Variants in PLEKHH1 observed in about 807,000 individuals in gnomAD.
The protein encoded by PLEKHH1 is pleckstrin homology, MyTH4 and FERM domain containing H1, also known as pleckstrin homology domain-containing family H member 1.
A neutral mutation model predicts 160.0 loss-of-function variants in PLEKHH1; 104 were observed. That is an observed-to-expected ratio of 0.65 (90% CI 0.55 to 0.76). The LOEUF (loss-of-function observed/expected upper bound fraction) is 0.76, where lower values mean the gene tolerates loss of function less well. PLEKHH1 is among the 30% of genes least tolerant of loss of function. The pLI is 0.00. For synonymous variants in PLEKHH1, 619 were observed against 678.4 expected, an observed-to-expected ratio of 0.91 and a Z score of 1.36; for missense variants, 1,427 against 1,724.1, an observed-to-expected ratio of 0.83 and a Z score of 3.05.
chr14:67,571,551 G>T (rs1009397494), intron 9 of PLEKHH1: 14 of 527,730 alleles, frequency 2.7e-5, no homozygotes, highest in African/African-American at 2.6e-4. Flanking sequence ...GATGGTGTGT[G>T]GGAAGGGAGG....
In PLEKHH1 at chr14:67,572,121, C is replaced by T. The variant is rs746940949; in HGVS notation, c.1586-14C>T. The T allele has an allele frequency of 1.9e-6, 3 of 1,601,822 alleles. No homozygotes were observed. Among genetic ancestry groups the T allele is most frequent in the Non-Finnish European group, 1.7e-6 (2 of 1,174,578 alleles). On this transcript the variant is annotated splice_polypyrimidine_tract_variant and intron_variant, in intron 10 of 28. Transcript: ENST00000329153. ...GTGTGGGACCCGGGCCTTGACTCCTCCTCCCTCGGCAAGGCGTCTCCATGT... is the reference window on the plus strand; with the variant it reads ...GTGTGGGACCCGGGCCTTGACTCCTTCTCCCTCGGCAAGGCGTCTCCATGT...
intron 26 of PLEKHH1, 110 bp from the exon 27 acceptor site, chr14:67,585,458 G>A: frequency 1.4e-6 from 1 of 706,098 alleles, no homozygotes. Flanking sequence ...TGAGGTGGCT[G>A]GAAATCACTG....
At chr14:67,570,330 A>C in intron 9 of PLEKHH1, 1 of 1,068,124 alleles carries the variant, frequency 9.4e-7, no homozygotes, top group Non-Finnish European at 1.1e-6. Flanking sequence ...TCCTTCTAGA[A>C]TTACTGAGGT....
chr14:67,579,378 C>A (rs1256363512), intron 21 of PLEKHH1, 67 bp downstream of exon 21: 2 of 1,283,436 alleles, frequency 1.6e-6, no homozygotes, highest in East Asian at 2.7e-5. Context: ...TACCCCTGGG[C>A]CTTAGGCTCA....
chr14:67,548,251 T>G (rs1197655382), intron 2 of PLEKHH1, among the ~76,000 whole-genome samples: 4 of 152,238 alleles, frequency 2.6e-5, no homozygotes, highest in African/African-American at 9.6e-5. Flanking sequence ...TCAGTTATCC[T>G]ATCAGAAAAG....
At chr14:67,539,710 G>A (rs1034658364) in intron 1 of PLEKHH1, among the ~76,000 whole-genome samples, 1 of 152,138 alleles carries the variant, frequency 6.6e-6, no homozygotes, top group Non-Finnish European at 1.5e-5. Flanking sequence ...GCACAGAGTG[G>A]CAATGAACAA....
chr14:67,576,573 A>T lies in PLEKHH1; in HGVS notation c.2461+70A>T. 1 of 799,704 alleles carries T rather than the reference A, an allele frequency of 1.3e-6. No homozygotes were observed. Among genetic ancestry groups the T allele is most frequent in the Non-Finnish European group, 2.2e-6 (1 of 457,462 alleles). 49.5% of individuals were successfully genotyped at this position (799,704 alleles called of 1,614,324 possible). A position where few individuals can be genotyped will look rare whatever the true frequency, so the allele number is the denominator to read the frequency against. ...CTTGGTGACTATTGGTCAAGATCCCAAAGAAAGCAGTGTTGTACCCTGAAG... is the reference window on the plus strand; with the variant it reads ...CTTGGTGACTATTGGTCAAGATCCCTAAGAAAGCAGTGTTGTACCCTGAAG... On this transcript the variant is annotated intron_variant, in intron 17 of 28. Coordinates refer to ENST00000329153, the MANE Select transcript of PLEKHH1 (RefSeq NM_020715.3). This position sits in a 1 kb window ranked among gnomAD's most constrained non-coding sequence, Gnocchi z 4.0.
chr14:67,582,384 C>T lies in PLEKHH1; in HGVS notation c.3426+174C>T, dbSNP rs2140536262. ...TCTACAGATCAGAGCTCCTCACTCACCGCAGATATAGGATGCGTGCAGATG... is the reference window on the plus strand; with the variant it reads ...TCTACAGATCAGAGCTCCTCACTCATCGCAGATATAGGATGCGTGCAGATG... On this transcript the variant is annotated intron_variant, in intron 24 of 28. Coordinates refer to ENST00000329153, the MANE Select transcript of PLEKHH1 (RefSeq NM_020715.3). The surrounding 1 kb of genome is among the most constrained non-coding windows in gnomAD (Gnocchi z 5.0). 9.0e-7 allele frequency: 1 copy of T among 1,112,210 alleles called. No homozygotes were observed. The allele number at this position is 1,112,210 out of a possible 1,614,324, so 68.9% of individuals were successfully genotyped here.
At position 67,578,747 on chromosome 14, in the gene PLEKHH1, A is replaced by G. The variant is rs2035746455; in HGVS notation, c.2849+116A>G. 3 of 731,934 alleles carry G rather than the reference A, an allele frequency of 4.1e-6. No individual in the cohort carries two copies. Among genetic ancestry groups the G allele is most frequent in the Non-Finnish European group, 7.3e-6 (3 of 410,972 alleles). The allele number at this position is 731,934 out of a possible 1,614,324, so 45.3% of individuals were successfully genotyped here. ...TCACTCCTGTCCTCTGAAACCGCTCAGTGGTCGTGGAGACTTCACCCATTG... is the reference window on the plus strand; with the variant it reads ...TCACTCCTGTCCTCTGAAACCGCTCGGTGGTCGTGGAGACTTCACCCATTG... On this transcript the variant is annotated intron_variant, in intron 20 of 28. Coordinates refer to ENST00000329153, the MANE Select transcript of PLEKHH1 (RefSeq NM_020715.3). This position sits in a 1 kb window ranked among gnomAD's most constrained non-coding sequence, Gnocchi z 5.0.
At chr14:67,585,757 C>T (rs2036125641) in intron 27 of PLEKHH1, 103 bp downstream of exon 27, 10 of 1,019,078 alleles carry the variant, frequency 9.8e-6, no homozygotes, top group Non-Finnish European at 1.5e-5. Flanking sequence ...ACCATGGCTG[C>T]CCTACCCCCA....
intron 1 of PLEKHH1, chr14:67,533,636 C>T (rs1444279893): frequency 6.6e-6 from 1 of 152,168 alleles, no homozygotes; most frequent in African/African-American, 2.4e-5. Context: ...CCGGGAGTAC[C>T]TGGACTTGGG....
intron 22 of PLEKHH1, among the ~76,000 whole-genome samples, chr14:67,580,498 T>C (rs1170415836): frequency 6.6e-6 from 1 of 152,260 alleles, no homozygotes; most frequent in Non-Finnish European, 1.5e-5. Flanking sequence ...CAAAGGCTTC[T>C]ATGGTCTTTT....
chr14:67,555,768 C>T, intron 2 of PLEKHH1, 57 bp from the exon 3 acceptor site: 1 of 1,597,846 alleles, frequency 6.3e-7, no homozygotes, highest in Non-Finnish European at 8.5e-7. Context: ...GGCCTTGATG[C>T]CGTGTTCACA....
chr14:67,542,058 TGAGA>T (rs1594742672), intron 2 of PLEKHH1, 65 bp downstream of exon 2: 7 of 1,426,032 alleles, frequency 4.9e-6, no homozygotes, highest in Non-Finnish European at 6.6e-6. Context: ...GAGGGCCGTG[TGAGA>T]GAGGGAGAGT....
At chr14:67,538,430 T>C (rs753683) in intron 1 of PLEKHH1, among the ~76,000 whole-genome samples, 46,521 of 152,172 alleles carry the variant, frequency 0.31, 7,312 homozygotes, top group African/African-American at 0.36. Flanking sequence ...AAATAACACA[T>C]GCGTCGCAAT....
rs1214885527 is a variant in PLEKHH1, at chr14:67,588,326, G to A, written c.*1091G>A. 6.6e-6 allele frequency: 1 copy of A among 152,528 alleles called. No individual in the cohort carries two copies. Among genetic ancestry groups the A allele is most frequent in the African/African-American group, 2.4e-5 (1 of 41,416 alleles). 9.4% of individuals were successfully genotyped at this position (152,528 alleles called of 1,614,324 possible). ...ACCAAGCAAATGCACTCTGCTTTTT[G>A]CTGCTGTAAGACCACCAAAAATGAG... On this transcript the variant is annotated 3_prime_UTR_variant, in exon 29 of 29. Coordinates refer to ENST00000329153, the MANE Select transcript of PLEKHH1 (RefSeq NM_020715.3).
At chr14:67,571,659 C>A in intron 9 of PLEKHH1, 93 bp from the exon 10 acceptor site, 1 of 1,364,016 alleles carries the variant, frequency 7.3e-7, no homozygotes, top group Non-Finnish European at 1.0e-6. Flanking sequence ...GTTGGCCACA[C>A]CATGGGCACT....
chr14:67,575,028 T>C (rs2035560326), intron 14 of PLEKHH1, among the ~76,000 whole-genome samples: 1 of 152,194 alleles, frequency 6.6e-6, no homozygotes, highest in African/African-American at 2.4e-5. Flanking sequence ...TCATGATGCA[T>C]GGTTGCCCAA....
intron 26 of PLEKHH1, 116 bp from the exon 27 acceptor site, chr14:67,585,452 G>A (rs1702748187): frequency 1.5e-6 from 1 of 682,258 alleles, no homozygotes. Flanking sequence ...CCAAGATGAG[G>A]TGGCTGGAAA....
Sources: allele counts gnomAD v4.1 joint callset (sites outside exome capture counted in the v4.1 genomes callset), GRCh38; gene constraint gnomAD v4.1.1; non-coding constraint Gnocchi (gnomAD v3.1); transcripts MANE v1.5; gene names NCBI Gene and HGNC (gene_info 2026-07-23, HGNC 2026-07-21).